The following FRK variants were observed in gnomAD, a reference collection of about 807,000 sequenced individuals.
FRK encodes the protein tyrosine-protein kinase FRK.
A neutral mutation model predicts 56.4 loss-of-function variants in FRK; 51 were observed. The ratio of observed to expected loss-of-function variants is 0.90; its 90% CI spans 0.72 to 1.14. FRK has a LOEUF of 1.14. FRK is among the 50% of genes most tolerant of loss of function. FRK has a pLI of 0.00. For missense variants in FRK, 570 were observed against 601.4 expected (o/e 0.95, Z 0.55); for synonymous variants, 245 against 217.9 (o/e 1.12, Z -1.10).
chr6:116,087,439 C>T, the FRK span, among the ~76,000 whole-genome samples: 2 of 152,282 alleles, frequency 1.3e-5, no homozygotes, highest in East Asian at 3.8e-4. Flanking sequence ...ACCCCAAAGC[C>T]TAAGCTGCCC....
At chr6:115,950,483 CAGTT>C (rs1772692373) in intron 5 of FRK, among the ~76,000 whole-genome samples, 1 of 152,178 alleles carries the variant, frequency 6.6e-6, no homozygotes, top group Non-Finnish European at 1.5e-5. Context: ...CATGTCATGT[CAGTT>C]AGAATGGGAT....
the FRK span, among the ~76,000 whole-genome samples, chr6:116,066,710 C>A: frequency 1.3e-5 from 2 of 152,186 alleles, no homozygotes; most frequent in South Asian, 2.1e-4. Flanking sequence ...CAGTGGCCAC[C>A]TTTCTGTTCA....
At chr6:116,059,888 G>T in intron 1 of FRK, 80 bp downstream of exon 1, 2 of 1,207,436 alleles carry the variant, frequency 1.7e-6, no homozygotes, top group Non-Finnish European at 2.4e-6. Flanking sequence ...ACATTAGGGG[G>T]TTGTAGAGAA....
At chr6:115,953,802 C>T (rs953446691) in intron 5 of FRK, among the ~76,000 whole-genome samples, 3 of 152,150 alleles carry the variant, frequency 2.0e-5, no homozygotes, top group African/African-American at 7.2e-5. Flanking sequence ...TCAGGATGGT[C>T]CCAACTTAAT....
intron 2 of FRK, among the ~76,000 whole-genome samples, chr6:115,987,022 C>T (rs1164260477): frequency 6.6e-6 from 1 of 152,018 alleles, no homozygotes; most frequent in African/African-American, 2.4e-5. Flanking sequence ...TTCTTTCTTC[C>T]TTCCCACAGG....
At chr6:115,985,334 A>G (rs192525506) in intron 2 of FRK, among the ~76,000 whole-genome samples, 7 of 152,270 alleles carry the variant, frequency 4.6e-5, no homozygotes, top group African/African-American at 1.7e-4. Flanking sequence ...ACTAAGATAT[A>G]AGACAAGGAT....
At chr6:116,033,106 G>A (rs1302333984) in intron 1 of FRK, among the ~76,000 whole-genome samples, 1 of 152,060 alleles carries the variant, frequency 6.6e-6, no homozygotes, top group Non-Finnish European at 1.5e-5. Flanking sequence ...GAGCAAGAAA[G>A]ACTGTGTTCT....
At chr6:116,072,552 C>CAA in the FRK span, among the ~76,000 whole-genome samples, 2 of 145,414 alleles carry the variant, frequency 1.4e-5, no homozygotes, top group African/African-American at 5.0e-5. Context: ...CACACACACA[C>CAA]ACACACACAC....
the FRK span, among the ~76,000 whole-genome samples, chr6:116,077,613 C>G: frequency 5.8e-4 from 88 of 152,308 alleles, 1 homozygote; most frequent in African/African-American, 2.0e-3. Flanking sequence ...ATCACATATT[C>G]ATGTGTACAT....
At chr6:115,968,520 A>G in intron 3 of FRK, 56 bp downstream of exon 3, 2 of 1,569,246 alleles carry the variant, frequency 1.3e-6, no homozygotes, top group Admixed American at 1.9e-5. Context: ...ATACTCAGAT[A>G]TCTGAAGGAA....
intron 1 of FRK, among the ~76,000 whole-genome samples, chr6:116,021,425 T>C (rs1775868809): frequency 6.6e-6 from 1 of 152,144 alleles, no homozygotes; most frequent in Admixed American, 6.5e-5. Flanking sequence ...ATTTCACCTA[T>C]AATGGTTGAT....
At chr6:116,068,819 A>T in the FRK span, among the ~76,000 whole-genome samples, 1 of 151,906 alleles carries the variant, frequency 6.6e-6, no homozygotes, top group Non-Finnish European at 1.5e-5. Context: ...ACTTGCAAGT[A>T]TATCAATTCA....
At chr6:116,095,842 T>C in the FRK span, among the ~76,000 whole-genome samples, 1 of 152,214 alleles carries the variant, frequency 6.6e-6, no homozygotes, top group African/African-American at 2.4e-5. Context: ...TGCAGCTTCT[T>C]AGGGGAAGAG....
chr6:116,059,461 GTCT>G (rs960837649), intron 1 of FRK, among the ~76,000 whole-genome samples: 25 of 152,084 alleles, frequency 1.6e-4, no homozygotes, highest in Admixed American at 2.0e-4. Context: ...TCTAAGTGTT[GTCT>G]TCTACATTAG....
intron 1 of FRK, among the ~76,000 whole-genome samples, chr6:116,009,529 A>C (rs1775386064): frequency 6.6e-6 from 1 of 152,212 alleles, no homozygotes; most frequent in African/African-American, 2.4e-5. Context: ...CAGTAAAATA[A>C]TACCACAACT....
At chr6:115,959,698 T>C (rs1269112162) in intron 4 of FRK, among the ~76,000 whole-genome samples, 1 of 152,206 alleles carries the variant, frequency 6.6e-6, no homozygotes, top group Admixed American at 6.5e-5. Flanking sequence ...AAGAACTTGC[T>C]GCATATACTT....
the FRK span, among the ~76,000 whole-genome samples, chr6:116,091,223 A>G: frequency 2.0e-5 from 3 of 152,198 alleles, no homozygotes; most frequent in Non-Finnish European, 4.4e-5. Context: ...TGCACCAATC[A>G]GCACTCTGTA....
chr6:115,967,836 T>C, intron 3 of FRK, 117 bp from the exon 4 acceptor site: 1 of 768,582 alleles, frequency 1.3e-6, no homozygotes. Context: ...CAAAATATTG[T>C]AAACTGTATT....
At chr6:115,972,214 A>C (rs933458842) in intron 2 of FRK, among the ~76,000 whole-genome samples, 8 of 152,176 alleles carry the variant, frequency 5.3e-5, no homozygotes, top group Non-Finnish European at 1.2e-4. Flanking sequence ...CAGACTGTCC[A>C]TCTACAGTGC....
Sources: allele counts gnomAD v4.1 joint callset (sites outside exome capture counted in the v4.1 genomes callset), GRCh38; gene constraint gnomAD v4.1.1; transcripts MANE v1.5; gene names NCBI Gene and HGNC (gene_info 2026-07-23, HGNC 2026-07-21).